Variants in MARK1 observed in about 807,000 individuals in gnomAD.
MARK1 encodes the protein serine/threonine-protein kinase MARK1.
Under a neutral mutation model 96.3 loss-of-function variants are expected in MARK1, and 40 were observed. The observed-to-expected ratio is 0.42, with a 90% CI of 0.32 to 0.54. The LOEUF is 0.54. Ranked by LOEUF, MARK1 falls within the 20% of genes least tolerant of loss-of-function variation. The pLI is 0.16. For synonymous variants in MARK1, 317 were observed against 341.2 expected (o/e 0.93, Z 0.78); for missense variants, 719 against 984.6 (o/e 0.73, Z 3.61).
chr1:220,603,242 T>G (rs1458238613), intron 5 of MARK1, among the ~76,000 whole-genome samples: 2 of 152,010 alleles, frequency 1.3e-5, no homozygotes, highest in East Asian at 3.8e-4. Flanking sequence ...TTTTTAAAAT[T>G]GTAACTCAAG....
At chr1:220,540,937 T>C (rs986467146) in intron 1 of MARK1, among the ~76,000 whole-genome samples, 2 of 146,008 alleles carry the variant, frequency 1.4e-5, no homozygotes, top group African/African-American at 5.0e-5. Flanking sequence ...AGTCTCTCTC[T>C]TTTTTTTTTT....
rs1165926642 is a variant in MARK1 at position 220,635,403 on chromosome 1, G to A, written c.1150G>A (p.Gly384Arg). ...TGAAGGTGGTGAATCGTTATCCAGT[G>A]GAAACTTGTGTCAGAGGTCCCGGCC... ...EFEGGESLSS[G>R]NLCQRSRPSS... The change falls in exon 12 of 18, where the codon GGA becomes AGA. Residue 384 changes from glycine (G) to arginine (R), a missense_variant. Transcript: ENST00000366917. 6.2e-7 allele frequency: 1 copy of A among 1,607,674 alleles called. No individual in the cohort carries two copies. The highest frequency in any genetic ancestry group is 1.1e-5 in the South Asian group (1 of 90,102).
intron 1 of MARK1, among the ~76,000 whole-genome samples, chr1:220,561,396 T>C (rs1305761226): frequency 6.6e-6 from 1 of 152,078 alleles, no homozygotes; most frequent in East Asian, 1.9e-4. Flanking sequence ...TCATCAGCTG[T>C]CATTAGTGTT....
chr1:220,604,997 T>G (rs1665983422), intron 6 of MARK1, among the ~76,000 whole-genome samples: 2 of 152,234 alleles, frequency 1.3e-5, no homozygotes, highest in South Asian at 4.1e-4. Flanking sequence ...ACACTTTAAT[T>G]CTACAATTAA....
At chr1:220,642,147 C>G (rs951179016) in intron 13 of MARK1, among the ~76,000 whole-genome samples, 1 of 152,186 alleles carries the variant, frequency 6.6e-6, no homozygotes, top group African/African-American at 2.4e-5. Context: ...TCAGTGGGTC[C>G]CCCTCCCATG....
intron 9 of MARK1, chr1:220,627,641 T>C: frequency 5.5e-6 from 1 of 182,844 alleles, no homozygotes; most frequent in Non-Finnish European, 1.1e-5. Context: ...AGGAGCTGCC[T>C]TGCCACCCAT....
At chr1:220,568,568 G>C (rs1476952656) in intron 1 of MARK1, among the ~76,000 whole-genome samples, 2 of 152,118 alleles carry the variant, frequency 1.3e-5, no homozygotes, top group Non-Finnish European at 2.9e-5. Flanking sequence ...ATAAAATGGG[G>C]ATCTGTTGCA....
intron 1 of MARK1, among the ~76,000 whole-genome samples, chr1:220,577,094 C>T (rs549357361): frequency 7.9e-5 from 12 of 151,958 alleles, no homozygotes; most frequent in African/African-American, 2.9e-4. Context: ...TCCATCTCTA[C>T]AAACAAAACA....
At position 220,664,374 on chromosome 1, in the gene MARK1, G is replaced by A. The variant is rs531565407; in HGVS notation, c.*2208G>A. 2 of 151,982 alleles carry A rather than the reference G, an allele frequency of 1.3e-5. No homozygotes were observed. The highest frequency in any genetic ancestry group is 1.3e-4 in the Admixed American group (2 of 15,274). The allele number at this position is 151,982 out of a possible 1,614,324, so 9.4% of individuals were successfully genotyped here. Reference sequence around the variant, plus strand: ...AAATAAATACCAGTTTATGTTCACCGGCTATGTGATACCAGGATTTCCTTG... The same window carrying A: ...AAATAAATACCAGTTTATGTTCACCAGCTATGTGATACCAGGATTTCCTTG... On this transcript the variant is annotated 3_prime_UTR_variant, in exon 18 of 18. Coordinates refer to ENST00000366917, the MANE Select transcript of MARK1 (RefSeq NM_018650.5).
chr1:220,529,835 T>G (rs1660190716), intron 1 of MARK1, among the ~76,000 whole-genome samples: 1 of 152,220 alleles, frequency 6.6e-6, no homozygotes, highest in Non-Finnish European at 1.5e-5. Context: ...TGTTTTTGTT[T>G]AAAACACTCA....
chr1:220,569,187 GA>G (rs1186589335), intron 1 of MARK1, among the ~76,000 whole-genome samples: 1 of 151,964 alleles, frequency 6.6e-6, no homozygotes, highest in South Asian at 2.1e-4. Flanking sequence ...CCTTTTCTGT[GA>G]AATATCTGTA....
At chr1:220,598,863 CA>C (rs1665556149) in intron 4 of MARK1, among the ~76,000 whole-genome samples, 1 of 151,860 alleles carries the variant, frequency 6.6e-6, no homozygotes, top group African/African-American at 2.4e-5. Flanking sequence ...CCTGTAGGCC[CA>C]GCTACTCAGG....
chr1:220,661,166 G>A (rs1299503566), intron 17 of MARK1, among the ~76,000 whole-genome samples: 1 of 152,202 alleles, frequency 6.6e-6, no homozygotes, highest in Non-Finnish European at 1.5e-5. Context: ...TCTGATAGGA[G>A]TGAGGAAGGA....
chr1:220,642,515 G>A (rs1037689795), intron 13 of MARK1, among the ~76,000 whole-genome samples: 6 of 152,192 alleles, frequency 3.9e-5, no homozygotes, highest in Admixed American at 3.9e-4. Context: ...GGGGGGAGGG[G>A]CAGCTGTGGT....
At chr1:220,556,972 T>C (rs1199464311) in intron 1 of MARK1, among the ~76,000 whole-genome samples, 1 of 151,994 alleles carries the variant, frequency 6.6e-6, no homozygotes, top group Admixed American at 6.6e-5. Flanking sequence ...ATAGAGTAAA[T>C]TTTTGAGAGG....
chr1:220,656,039 AT>A (rs1017928115), intron 16 of MARK1, among the ~76,000 whole-genome samples: 7 of 152,178 alleles, frequency 4.6e-5, no homozygotes, highest in Admixed American at 1.3e-4. Context: ...AAACCTTATG[AT>A]TTTCTAACCA....
Position 220,585,984 on chromosome 1 carries a change from TACAC to T in MARK1, c.309+4891_309+4894del, listed in dbSNP as rs1553322886. Among the ~76,000 whole-genome samples, 366 of 52,886 alleles carry T rather than the reference TACAC, an allele frequency of 6.9e-3. 4 individuals are homozygous for T. Among genetic ancestry groups the T allele is most frequent in the African/African-American group, 0.014 (337 of 23,354 alleles). The allele number at this position is 52,886 out of a possible 152,430, so 34.7% of individuals were successfully genotyped here. A position where few individuals can be genotyped will look rare whatever the true frequency, so the allele number is the denominator to read the frequency against. ...CAACTGCATCCACTTTACATACGTA[TACAC>T]ACACACACACACACACACACACACG... On this transcript the variant is annotated intron_variant, in intron 3 of 17. Transcript: ENST00000366917.
Position 220,579,341 on chromosome 1 carries a change from A to C in MARK1, c.52-13A>C. The C allele has an allele frequency of 6.3e-7, 1 of 1,595,818 alleles. No homozygotes were observed. The highest frequency in any genetic ancestry group is 8.6e-7 in the Non-Finnish European group (1 of 1,164,402). On this transcript the variant is annotated splice_polypyrimidine_tract_variant and intron_variant, in intron 1 of 17. Coordinates refer to ENST00000366917, the MANE Select transcript of MARK1 (RefSeq NM_018650.5). ...ATTTAATTAACAATGAAATCTTGTA[A>C]ACTTTTTCTTAGCATACATCTGTGG...
intron 1 of MARK1, among the ~76,000 whole-genome samples, chr1:220,539,697 C>G (rs1211820965): frequency 6.6e-6 from 1 of 151,632 alleles, no homozygotes; most frequent in African/African-American, 2.4e-5. Flanking sequence ...GTTGTGCCAT[C>G]CTCGTATCCT....
Sources: allele counts gnomAD v4.1 joint callset (sites outside exome capture counted in the v4.1 genomes callset), GRCh38; gene constraint gnomAD v4.1.1; transcripts MANE v1.5; gene names NCBI Gene and HGNC (gene_info 2026-07-23, HGNC 2026-07-21).